RAB3C: variants seen among roughly 807,000 people sequenced by gnomAD.
The protein encoded by RAB3C is ras-related protein Rab-3C.
In RAB3C, 17 loss-of-function variants were observed where a neutral mutation model predicts 26.4. The observed-to-expected ratio is 0.64, with a 90% confidence interval of 0.44 to 0.97. The LOEUF is 0.97. RAB3C is among the 50% of genes least tolerant of loss of function. RAB3C has a pLI of 0.00. For missense variants in RAB3C, 242 were observed against 281.9 expected (o/e 0.86, Z 1.01); for synonymous variants, 91 against 95.9 (o/e 0.95, Z 0.30).
chr5:58,588,430 A>C (rs552149964), intron 1 of RAB3C, among the ~76,000 whole-genome samples: 16 of 152,230 alleles, frequency 1.1e-4, no homozygotes, highest in African/African-American at 3.6e-4. Context: ...TCTGATTATG[A>C]TTTAAATTTG....
chr5:58,654,217 T>C (rs187572944), intron 2 of RAB3C, among the ~76,000 whole-genome samples: 118 of 152,274 alleles, frequency 7.7e-4, no homozygotes, highest in African/African-American at 2.8e-3. Flanking sequence ...ATATATCATG[T>C]AGGTAATGAA....
intron 1 of RAB3C, among the ~76,000 whole-genome samples, chr5:58,590,526 G>T (rs970748679): frequency 1.3e-5 from 2 of 150,322 alleles, no homozygotes; most frequent in African/African-American, 4.9e-5. Flanking sequence ...GTATAAATTT[G>T]GTTCACTTAT....
intron 3 of RAB3C, among the ~76,000 whole-genome samples, chr5:58,783,928 T>C (rs1389170048): frequency 2.6e-5 from 4 of 152,172 alleles, no homozygotes; most frequent in African/African-American, 7.2e-5. Flanking sequence ...TAAAAGTCCG[T>C]TGGGAGACCC....
intron 3 of RAB3C, among the ~76,000 whole-genome samples, chr5:58,740,891 G>A (rs1008546906): frequency 1.3e-5 from 2 of 152,030 alleles, no homozygotes; most frequent in African/African-American, 4.8e-5. Context: ...CTAAACTCAA[G>A]GTTAAGGACA....
At chr5:58,610,926 G>C (rs1209494443) in intron 1 of RAB3C, among the ~76,000 whole-genome samples, 3 of 151,746 alleles carry the variant, frequency 2.0e-5, no homozygotes, top group Non-Finnish European at 4.4e-5. Flanking sequence ...TGTTCTATAG[G>C]CCCCAGTGTA....
intron 2 of RAB3C, among the ~76,000 whole-genome samples, chr5:58,692,523 G>C (rs1213206810): frequency 6.6e-6 from 1 of 151,818 alleles, no homozygotes; most frequent in African/African-American, 2.4e-5. Context: ...ATGACAGTTA[G>C]AACGTTACAT....
intron 3 of RAB3C, among the ~76,000 whole-genome samples, chr5:58,807,545 G>A (rs1481761257): frequency 3.3e-5 from 5 of 152,206 alleles, no homozygotes; most frequent in South Asian, 2.1e-4. Context: ...TGCCTGCTGA[G>A]TGAGTTCCTG....
chr5:58,726,373 C>T (rs1740888958), intron 3 of RAB3C, among the ~76,000 whole-genome samples: 1 of 151,932 alleles, frequency 6.6e-6, no homozygotes, highest in South Asian at 2.1e-4. Flanking sequence ...ATCATCGCTT[C>T]CATGGAAACT....
At chr5:58,623,643 A>G (rs1746980486) in intron 2 of RAB3C, among the ~76,000 whole-genome samples, 1 of 152,238 alleles carries the variant, frequency 6.6e-6, no homozygotes, top group African/African-American at 2.4e-5. Context: ...AGGAGCTCCT[A>G]CATCCCACTG....
intron 3 of RAB3C, among the ~76,000 whole-genome samples, chr5:58,789,816 T>C (rs1187332628): frequency 1.3e-5 from 2 of 152,192 alleles, no homozygotes; most frequent in Non-Finnish European, 2.9e-5. Flanking sequence ...TATCCTGAAG[T>C]GTTTTGATTT....
intron 3 of RAB3C, chr5:58,822,772 G>C: frequency 1.8e-6 from 1 of 554,560 alleles, no homozygotes; most frequent in Non-Finnish European, 3.4e-6. Context: ...AATAAGGTGT[G>C]AAGGTTGGCC....
chr5:58,612,159 G>A lies in RAB3C; in HGVS notation c.25-5484G>A, dbSNP rs181009528. On this transcript the variant is annotated intron_variant, in intron 1 of 4. Coordinates refer to ENST00000282878, the MANE Select transcript of RAB3C (RefSeq NM_138453.4). ...GCCCTGTAGTATAGTTTGAAGTTGGGTAGCATGATGCCTCCAGCTTTGTTC... is the reference window on the plus strand; with the variant it reads ...GCCCTGTAGTATAGTTTGAAGTTGGATAGCATGATGCCTCCAGCTTTGTTC... Among the ~76,000 whole-genome samples, 270 of 152,126 alleles carry A rather than the reference G, an allele frequency of 1.8e-3. 2 individuals are homozygous for A. Among genetic ancestry groups the A allele is most frequent in the African/African-American group, 6.3e-3 (260 of 41,514 alleles).
At chr5:58,672,090 G>A (rs1259341734) in intron 2 of RAB3C, among the ~76,000 whole-genome samples, 2 of 152,288 alleles carry the variant, frequency 1.3e-5, no homozygotes, top group Non-Finnish European at 2.9e-5. Context: ...TCACTATAGA[G>A]CTTTCAAGAG....
chr5:58,674,857 A>G (rs1413812009), intron 2 of RAB3C, among the ~76,000 whole-genome samples: 1 of 151,398 alleles, frequency 6.6e-6, no homozygotes, highest in African/African-American at 2.4e-5. Context: ...TGAAACATAC[A>G]TAAAAAAAAA....
chr5:58,702,915 G>C (rs1561294853), intron 2 of RAB3C, among the ~76,000 whole-genome samples: 2 of 152,138 alleles, frequency 1.3e-5, no homozygotes, highest in Non-Finnish European at 2.9e-5. Context: ...TTTGGAACCT[G>C]TTGGGATGGA....
At chr5:58,632,147 A>T (rs759445553) in intron 2 of RAB3C, among the ~76,000 whole-genome samples, 2 of 152,232 alleles carry the variant, frequency 1.3e-5, no homozygotes, top group Non-Finnish European at 2.9e-5. Flanking sequence ...AATATGAGAG[A>T]GATTCACATA....
At chr5:58,827,360 G>A (rs1743506171) in intron 4 of RAB3C, among the ~76,000 whole-genome samples, 1 of 152,150 alleles carries the variant, frequency 6.6e-6, no homozygotes, top group African/African-American at 2.4e-5. Flanking sequence ...GAATAAAAAT[G>A]AAAACTGTTT....
chr5:58,604,581 G>A (rs1340822389), intron 1 of RAB3C, among the ~76,000 whole-genome samples: 1 of 152,140 alleles, frequency 6.6e-6, no homozygotes, highest in Admixed American at 6.5e-5. Flanking sequence ...TGTCAGGAAA[G>A]TAGGGGAAAG....
At chr5:58,712,504 C>CA (rs1033291555) in intron 2 of RAB3C, among the ~76,000 whole-genome samples, 3 of 151,676 alleles carry the variant, frequency 2.0e-5, no homozygotes, top group Non-Finnish European at 4.4e-5. Flanking sequence ...AAACTGTCTA[C>CA]AAAAAAAAGA....
Sources: allele counts gnomAD v4.1 joint callset (sites outside exome capture counted in the v4.1 genomes callset), GRCh38; gene constraint gnomAD v4.1.1; transcripts MANE v1.5; gene names NCBI Gene and HGNC (gene_info 2026-07-23, HGNC 2026-07-21).